Variants in C16orf89 observed in about 807,000 individuals in gnomAD.
C16orf89 encodes UPF0764 protein C16orf89.
A neutral mutation model predicts 41.5 loss-of-function variants in C16orf89; 57 were observed. That is an observed-to-expected ratio of 1.38 (90% CI 1.11 to 1.71). The LOEUF is 1.71. C16orf89 is among the 40% of genes most tolerant of loss of function. The pLI, the probability that C16orf89 is intolerant of heterozygous loss-of-function variation, is 0.00. For synonymous variants in C16orf89, 223 were observed against 190.6 expected (o/e 1.17, Z -1.40); for missense variants, 575 against 445.9 (o/e 1.29, Z -2.61).
intron 3 of C16orf89, among the ~76,000 whole-genome samples, chr16:5,059,509 C>T (rs1376262943): frequency 6.6e-6 from 1 of 152,056 alleles, no homozygotes; most frequent in South Asian, 2.1e-4. Flanking sequence ...AAGCAGAGGT[C>T]CTTGGCTGGG....
At chr16:5,055,505 C>G in intron 5 of C16orf89, 155 bp from the exon 6 acceptor site, 1 of 952,634 alleles carries the variant, frequency 1.0e-6, no homozygotes. Context: ...GCAGCTTGAG[C>G]CTTTGCCTGA....
In C16orf89 at chr16:5,044,233, G is replaced by T; in HGVS notation, c.*115C>A. ...CAAGATTGGGTGTCGGGGTGGCTTT[G>T]CTTATCCTCCAGATGCCTTCTTCCC... is the stretch of plus-strand genomic sequence containing the variant. On this transcript the variant is annotated 3_prime_UTR_variant, in exon 8 of 8. Transcript: ENST00000472572. 6.9e-7 allele frequency: 1 copy of T among 1,442,900 alleles called. No homozygotes were observed. Among genetic ancestry groups the T allele is most frequent in the Non-Finnish European group, 9.1e-7 (1 of 1,103,582 alleles). The allele number at this position is 1,442,900 out of a possible 1,614,324, so 89.4% of individuals were successfully genotyped here.
intron 1 of C16orf89, among the ~76,000 whole-genome samples, chr16:5,065,406 G>A (rs948358797): frequency 3.3e-5 from 5 of 152,176 alleles, no homozygotes; most frequent in Admixed American, 6.5e-5. Flanking sequence ...CCCCTTGTTC[G>A]TGGCGTTGTG....
chr16:5,052,063 C>T (rs749239325), intron 6 of C16orf89, among the ~76,000 whole-genome samples: 3 of 129,752 alleles, frequency 2.3e-5, no homozygotes, highest in African/African-American at 9.0e-5. Context: ...GACTGTGCTA[C>T]GGCACACCAT....
intron 1 of C16orf89, among the ~76,000 whole-genome samples, chr16:5,063,948 A>G (rs1235012012): frequency 6.6e-6 from 1 of 152,074 alleles, no homozygotes; most frequent in Non-Finnish European, 1.5e-5. Context: ...CCAACATGGT[A>G]AAACCTCATC....
intron 7 of C16orf89, among the ~76,000 whole-genome samples, chr16:5,046,154 C>T (rs1956292623): frequency 6.6e-6 from 1 of 152,074 alleles, no homozygotes; most frequent in South Asian, 2.1e-4. Context: ...ACGAAACTGA[C>T]TCACTGGATT....
intron 6 of C16orf89, among the ~76,000 whole-genome samples, chr16:5,050,547 A>G (rs1956377480): frequency 6.6e-6 from 1 of 152,216 alleles, no homozygotes; most frequent in African/African-American, 2.4e-5. Flanking sequence ...TCACTGCTGA[A>G]TTTTACCAAA....
At chr16:5,055,439 T>C (rs741166) in intron 5 of C16orf89, 89 bp from the exon 6 acceptor site, 745,673 of 1,231,020 alleles carry the variant, frequency 0.61, 229,096 homozygotes, top group Admixed American at 0.62. Context: ...CCACCTGCCT[T>C]CATCTGCCTG....
chr16:5,055,765 C>T, intron 5 of C16orf89: 1 of 1,519,180 alleles, frequency 6.6e-7, no homozygotes, highest in Non-Finnish European at 8.8e-7. Context: ...AGGTAAAATA[C>T]AGGATGCCCA....
At position 5,049,702 on chromosome 16, in the gene C16orf89, C is replaced by T; in HGVS notation, c.869-1738G>A. ...CCAAAACCTATGGGATATAGCAAAA[C>T]CAGTATTAAGAGGGAAATTTACATC... On this transcript the variant is annotated intron_variant, in intron 6 of 7. Transcript: ENST00000472572. Among the ~76,000 whole-genome samples, 2 of 151,914 alleles carry T rather than the reference C, an allele frequency of 1.3e-5. 1 individual carries two copies. Among genetic ancestry groups the T allele is most frequent in the Non-Finnish European group, 2.9e-5 (2 of 67,976 alleles).
At chr16:5,055,938 CGTGTGTGTGTGTGTGT>C (rs531301214) in intron 5 of C16orf89, 99 bp downstream of exon 5, 16,165 of 906,282 alleles carry the variant, frequency 0.018, 133 homozygotes, top group African/African-American at 0.042. Flanking sequence ...CTGGCAACTC[CGTGTGTGTGTGTGTGT>C]GTGTGTGTGT....
rs1956593642 is a variant in C16orf89 at position 5,060,428 on chromosome 16, G to A, written c.367C>T (p.Leu123=). ...TTCCAAAACCCGGGCTGGAGGGTCA[G>A]CTGGAACTCTGGCAGAGAGGACAGA... ...SDPKYLREFQ[L]TLQPGFWKLP... Residue 123 remains leucine, a synonymous_variant, in exon 3 of 8, where the codon CTG becomes TTG. Coordinates refer to ENST00000472572, the MANE Select transcript of C16orf89 (RefSeq NM_001098514.3). The A allele has an allele frequency of 6.2e-7, 1 of 1,612,484 alleles. No individual in the cohort carries two copies. The highest frequency in any genetic ancestry group is 1.7e-5 in the Admixed American group (1 of 59,846).
chr16:5,062,563 T>A lies in C16orf89; in HGVS notation c.220A>T (p.Ser74Cys). The A allele has an allele frequency of 6.2e-7, 1 of 1,609,948 alleles. No individual in the cohort carries two copies. Residue 74 changes from serine to cysteine, a missense_variant, in exon 2 of 8, where the codon AGT (serine) becomes TGT (cysteine). Transcript: ENST00000472572. ...TCCTGGGCCCACTTCTCCCGGACAC[T>A]TTTTAGCTGCTCTGGAAGGGAACAG... ...GVRVLEEQLKSVREKWAQEPL... is the reference protein window; with the variant it reads ...GVRVLEEQLKCVREKWAQEPL...
intron 2 of C16orf89, among the ~76,000 whole-genome samples, chr16:5,062,007 GA>G (rs1248283845): frequency 6.6e-6 from 1 of 152,184 alleles, no homozygotes; most frequent in Non-Finnish European, 1.5e-5. Flanking sequence ...ACAACTTCGG[GA>G]ATTTCTACTG....
chr16:5,061,940 C>T (rs1956635258), intron 2 of C16orf89, among the ~76,000 whole-genome samples: 1 of 152,140 alleles, frequency 6.6e-6, no homozygotes, highest in Non-Finnish European at 1.5e-5. Context: ...GAGAGACTCT[C>T]AGTGGTCATA....
intron 6 of C16orf89, among the ~76,000 whole-genome samples, chr16:5,051,053 C>G (rs1414171201): frequency 1.3e-5 from 2 of 152,102 alleles, no homozygotes; most frequent in African/African-American, 4.8e-5. Flanking sequence ...GAATGTGCCT[C>G]AATATAATAA....
chr16:5,062,675 G>T, intron 1 of C16orf89, 101 bp from the exon 2 acceptor site: 1 of 1,310,134 alleles, frequency 7.6e-7, no homozygotes, highest in Non-Finnish European at 1.0e-6. Context: ...ATGCTTCCTG[G>T]GAGCCTCTCT....
intron 7 of C16orf89, among the ~76,000 whole-genome samples, chr16:5,045,039 G>A (rs4786580): frequency 6.6e-6 from 1 of 152,178 alleles, no homozygotes; most frequent in Non-Finnish European, 1.5e-5. Flanking sequence ...GGCCACCTTG[G>A]CCCAGGGGGA....
intron 2 of C16orf89, 108 bp downstream of exon 2, chr16:5,062,317 G>C (rs890476680): frequency 1.5e-6 from 2 of 1,351,472 alleles, no homozygotes; most frequent in African/African-American, 1.5e-5. Context: ...GTTGGTTACG[G>C]ACTGTCCCAG....
Sources: allele counts gnomAD v4.1 joint callset (sites outside exome capture counted in the v4.1 genomes callset), GRCh38; gene constraint gnomAD v4.1.1; transcripts MANE v1.5; gene names NCBI Gene and HGNC (gene_info 2026-07-23, HGNC 2026-07-21).